The following GALNT13 variants were observed in gnomAD, a reference collection of about 807,000 sequenced individuals.
The protein encoded by GALNT13 is polypeptide N-acetylgalactosaminyltransferase 13.
GALNT13 carries 28 observed loss-of-function variants against 64.2 expected under a neutral mutation model. The ratio of observed to expected loss-of-function variants is 0.44; its 90% CI spans 0.32 to 0.60. The LOEUF (loss-of-function observed/expected upper bound fraction) is 0.60, where lower values mean the gene tolerates loss of function less well. Among genes scored for constraint, GALNT13 ranks in the 20% least tolerant of loss-of-function variants. GALNT13 has a pLI of 0.05. For synonymous variants in GALNT13, 214 were observed against 224.6 expected, an observed-to-expected ratio of 0.95 and a Z score of 0.42; for missense variants, 577 against 669.8, an observed-to-expected ratio of 0.86 and a Z score of 1.53.
chr2:153,783,701 C>T, the GALNT13 span, among the ~76,000 whole-genome samples: 1 of 152,082 alleles, frequency 6.6e-6, no homozygotes, highest in Non-Finnish European at 1.5e-5. Flanking sequence ...CAGTTTCTCC[C>T]ATACTGTTCT....
the GALNT13 span, among the ~76,000 whole-genome samples, chr2:153,747,610 TAG>T: frequency 1.3e-5 from 2 of 151,862 alleles, no homozygotes; most frequent in Admixed American, 1.3e-4. Flanking sequence ...GTATTTTTAG[TAG>T]AGACAGGGTT....
chr2:153,556,729 CT>C, the GALNT13 span, among the ~76,000 whole-genome samples: 1 of 152,122 alleles, frequency 6.6e-6, no homozygotes. Flanking sequence ...CCTAAATATT[CT>C]TAAATTCAAA....
At chr2:153,223,008 C>A in the GALNT13 span, among the ~76,000 whole-genome samples, 1 of 152,252 alleles carries the variant, frequency 6.6e-6, no homozygotes, top group Non-Finnish European at 1.5e-5. Context: ...TCCCGGCCTG[C>A]TGGCTCAGTG....
chr2:153,676,909 C>T, the GALNT13 span, among the ~76,000 whole-genome samples: 8 of 151,998 alleles, frequency 5.3e-5, no homozygotes, highest in Admixed American at 5.2e-4. Flanking sequence ...ACGAAAAAAA[C>T]ACAGCTATAA....
chr2:154,454,265 A>G (rs1282906397), downstream of GALNT13, among the ~76,000 whole-genome samples: 1 of 152,174 alleles, frequency 6.6e-6, no homozygotes, highest in Non-Finnish European at 1.5e-5. Context: ...TAAGGATCAT[A>G]TATCTAAAGT....
At chr2:153,472,819 G>T in the GALNT13 span, among the ~76,000 whole-genome samples, 1 of 152,102 alleles carries the variant, frequency 6.6e-6, no homozygotes, top group African/African-American at 2.4e-5. Context: ...AGTGTATATT[G>T]TTATTTAGGT....
At chr2:153,610,894 A>C in the GALNT13 span, among the ~76,000 whole-genome samples, 2 of 152,230 alleles carry the variant, frequency 1.3e-5, no homozygotes, top group East Asian at 1.9e-4. Context: ...GAAGGAAATA[A>C]ATTTTTTAAA....
intron 3 of GALNT13, among the ~76,000 whole-genome samples, chr2:154,128,935 A>G (rs1292740648): frequency 6.6e-6 from 1 of 152,140 alleles, no homozygotes; most frequent in Non-Finnish European, 1.5e-5. Flanking sequence ...ATATAATTTC[A>G]TATTTCTGAA....
chr2:154,367,425 G>A (rs1697432027), intron 9 of GALNT13, among the ~76,000 whole-genome samples: 1 of 152,188 alleles, frequency 6.6e-6, no homozygotes, highest in Non-Finnish European at 1.5e-5. Context: ...AGCAGGTTAT[G>A]TACGTCCCTA....
chr2:153,301,392 T>C, the GALNT13 span, among the ~76,000 whole-genome samples: 1 of 151,524 alleles, frequency 6.6e-6, no homozygotes. Context: ...AAATTTTAAA[T>C]TATTTTAAAA....
chr2:153,137,028 A>T, the GALNT13 span, among the ~76,000 whole-genome samples: 3 of 152,226 alleles, frequency 2.0e-5, no homozygotes, highest in East Asian at 5.8e-4. Context: ...AAAAGTCCTA[A>T]AAAAACTACT....
the GALNT13 span, among the ~76,000 whole-genome samples, chr2:153,096,385 T>A: frequency 8.5e-4 from 130 of 152,294 alleles, no homozygotes; most frequent in African/African-American, 3.0e-3. Context: ...TTAGATTCCT[T>A]TGGTCTATAA....
At chr2:153,615,125 A>G in the GALNT13 span, among the ~76,000 whole-genome samples, 1 of 152,070 alleles carries the variant, frequency 6.6e-6, no homozygotes, top group Non-Finnish European at 1.5e-5. Context: ...TGAAAAACAT[A>G]CCATGTTTGT....
the GALNT13 span, among the ~76,000 whole-genome samples, chr2:153,124,446 T>C: frequency 1.3e-5 from 2 of 152,218 alleles, no homozygotes; most frequent in Non-Finnish European, 2.9e-5. Context: ...TTTGGAAATT[T>C]ACAGAGATAC....
intron 9 of GALNT13, among the ~76,000 whole-genome samples, chr2:154,369,731 G>A (rs1697574888): frequency 6.6e-6 from 1 of 152,174 alleles, no homozygotes; most frequent in Non-Finnish European, 1.5e-5. Flanking sequence ...GAATACCATA[G>A]ACTAGGTAGC....
the GALNT13 span, among the ~76,000 whole-genome samples, chr2:153,710,010 T>C: frequency 1.3e-5 from 2 of 152,010 alleles, no homozygotes; most frequent in Non-Finnish European, 2.9e-5. Context: ...ATGATGGTCA[T>C]AGGGTACAAA....
chr2:154,381,419 C>A (rs945337340), intron 9 of GALNT13, among the ~76,000 whole-genome samples: 5 of 152,046 alleles, frequency 3.3e-5, no homozygotes, highest in African/African-American at 1.2e-4. Context: ...CTATTCTTTG[C>A]ATTTATTCTC....
chr2:153,346,306 T>G, the GALNT13 span, among the ~76,000 whole-genome samples: 587 of 152,284 alleles, frequency 3.9e-3, 4 homozygotes, highest in African/African-American at 0.012. Flanking sequence ...CTTTATCCTC[T>G]CCTCCACTGT....
the GALNT13 span, among the ~76,000 whole-genome samples, chr2:153,631,993 A>G: frequency 6.6e-6 from 1 of 152,112 alleles, no homozygotes; most frequent in African/African-American, 2.4e-5. Context: ...TCTTAGGATA[A>G]AAATTCAGGT....
Sources: allele counts gnomAD v4.1 joint callset (sites outside exome capture counted in the v4.1 genomes callset), GRCh38; gene constraint gnomAD v4.1.1; transcripts MANE v1.5; gene names NCBI Gene and HGNC (gene_info 2026-07-23, HGNC 2026-07-21).